EEF1A1: variants seen among roughly 807,000 people sequenced by gnomAD.
EEF1A1 encodes elongation factor 1-alpha 1.
A neutral mutation model predicts 38.5 loss-of-function variants in EEF1A1; 1 was observed. That is an observed-to-expected ratio of 0.03 (90% confidence interval 0.01 to 0.12). The LOEUF is 0.12. EEF1A1 is among the 10% of genes least tolerant of loss of function. The pLI, the probability that EEF1A1 is intolerant of heterozygous loss-of-function variation, is 1.00. For synonymous variants in EEF1A1, 229 were observed against 203.7 expected (o/e 1.12, Z -1.06); for missense variants, 184 against 588.3 (o/e 0.31, Z 7.11).
intron 1 of EEF1A1, 117 bp from the exon 2 acceptor site, chr6:73,520,173 C>G: frequency 1.1e-6 from 1 of 949,342 alleles, no homozygotes; most frequent in Non-Finnish European, 1.5e-6. Flanking sequence ...GCTGGCCTAA[C>G]TTCAGTCTCC....
rs1389482447 is a variant in EEF1A1 at position 73,518,801 on chromosome 6, G to A, written c.669C>T (p.Ala223=). 3.1e-6 allele frequency: 5 copies of A among 1,614,198 alleles called. No individual in the cohort carries two copies. Among genetic ancestry groups the A allele is most frequent in the Middle Eastern group, 1.6e-4 (1 of 6,062 alleles). The change falls in exon 5 of 8, where the codon GCC becomes GCT. Residue 223 remains alanine, a synonymous_variant. Coordinates refer to ENST00000309268, the MANE Select transcript of EEF1A1 (RefSeq NM_001402.6). ...GWKVTRKDGN[A]SGTTLLEALD... The stretch of plus-strand genomic sequence containing the variant: ...GAGCCTCAAGCAGCGTGGTTCCACT[G>A]GCATTGCCATCCTTACGGGTGACTT...
rs891842763 is a variant in EEF1A1 at position 73,517,489 on chromosome 6, C to T, written c.*321G>A. ...TTAGATGTCTTTCACCTAAATGTCT[C>T]GGTGTTGACCAAAGGAACACACAGG... is the stretch of plus-strand genomic sequence containing the variant. On this transcript the variant is annotated 3_prime_UTR_variant, in exon 8 of 8. Transcript: ENST00000309268. 3.0e-5 allele frequency: 8 copies of T among 267,942 alleles called. No individual in the cohort carries two copies. The highest frequency in any genetic ancestry group is 1.5e-4 in the East Asian group (2 of 13,188). 16.6% of individuals were successfully genotyped at this position (267,942 alleles called of 1,614,324 possible).
At chr6:73,519,781 C>T (rs936961812) in intron 2 of EEF1A1, 102 bp downstream of exon 2, 6 of 1,502,876 alleles carry the variant, frequency 4.0e-6, no homozygotes, top group Non-Finnish European at 5.4e-6. Context: ...TAACTATTAG[C>T]ATTCAGATCT....
At chr6:73,520,325 G>C in intron 1 of EEF1A1, 1 of 282,558 alleles carries the variant, frequency 3.5e-6, no homozygotes. Flanking sequence ...GACGGCTGAG[G>C]ACGGAAAGGC....
rs1765532225 is a variant in EEF1A1 at position 73,516,930 on chromosome 6, TTA to T, written c.*878_*879del. Reference sequence around the variant, plus strand: ...CTCTGCAGGAGAAAAGCAATGTAGATTAGTCTAATTTTATAGCTACTTCAAAT... The same window carrying T: ...CTCTGCAGGAGAAAAGCAATGTAGATGTCTAATTTTATAGCTACTTCAAAT... On this transcript the variant is annotated 3_prime_UTR_variant, in exon 8 of 8. Transcript: ENST00000309268. 6.6e-6 allele frequency: 1 copy of T among 152,216 alleles called. No homozygotes were observed. The highest frequency in any genetic ancestry group is 2.1e-4 in the South Asian group (1 of 4,826). The allele number at this position is 152,216 out of a possible 1,614,324, so 9.4% of individuals were successfully genotyped here.
At position 73,516,922 on chromosome 6, in the gene EEF1A1, A is replaced by C. The variant is rs1203687172; in HGVS notation, c.*888T>G. 1.3e-5 allele frequency: 2 copies of C among 152,214 alleles called. No homozygotes were observed. Among genetic ancestry groups the C allele is most frequent in the African/African-American group, 4.8e-5 (2 of 41,458 alleles). The allele number at this position is 152,214 out of a possible 1,614,324, so 9.4% of individuals were successfully genotyped here. On this transcript the variant is annotated 3_prime_UTR_variant, in exon 8 of 8. Transcript: ENST00000309268. ...GTATTAGACTCTGCAGGAGAAAAGC[A>C]ATGTAGATTAGTCTAATTTTATAGC...
At position 73,517,414 on chromosome 6, in the gene EEF1A1, T is replaced by A. The variant is rs905018486; in HGVS notation, c.*396A>T. The A allele has an allele frequency of 5.5e-6, 1 of 180,682 alleles. No individual in the cohort carries two copies. Among genetic ancestry groups the A allele is most frequent in the African/African-American group, 2.4e-5 (1 of 41,956 alleles). The allele number at this position is 180,682 out of a possible 1,614,324, so 11.2% of individuals were successfully genotyped here. A position where few individuals can be genotyped will look rare whatever the true frequency, so the allele number is the denominator to read the frequency against. ...AACCCTATTCTCCACCCAGAAGTGT[T>A]AACTCAAGAATTACATTTTCAAGAA... On this transcript the variant is annotated 3_prime_UTR_variant, in exon 8 of 8. Coordinates refer to ENST00000309268, the MANE Select transcript of EEF1A1 (RefSeq NM_001402.6).
intron 1 of EEF1A1, chr6:73,520,449 G>A (rs1375569306): frequency 1.9e-5 from 3 of 160,840 alleles, no homozygotes; most frequent in South Asian, 3.0e-4. Flanking sequence ...CACGCAACTG[G>A]TGCCGACCGG....
chr6:73,520,217 A>C (rs1288278048), intron 1 of EEF1A1, 161 bp from the exon 2 acceptor site: 2 of 621,490 alleles, frequency 3.2e-6, no homozygotes, highest in African/African-American at 1.9e-5. Flanking sequence ...CATCGCATAA[A>C]ACCCCTCCCC....
At chr6:73,517,998 CA>C (rs1765564513) in intron 7 of EEF1A1, 31 bp downstream of exon 7, 1 of 1,610,944 alleles carries the variant, frequency 6.2e-7, no homozygotes, top group Non-Finnish European at 8.5e-7. Context: ...ATCTTTAACA[CA>C]ACTTTTTTAC....
In EEF1A1 at chr6:73,518,620, T is replaced by C; in HGVS notation, c.773-10A>G. The C allele has an allele frequency of 6.2e-7, 1 of 1,613,210 alleles. No homozygotes were observed. The highest frequency in any genetic ancestry group is 8.5e-7 in the Non-Finnish European group (1 of 1,179,240). On this transcript the variant is annotated splice_polypyrimidine_tract_variant and intron_variant, in intron 5 of 7. Coordinates refer to ENST00000309268, the MANE Select transcript of EEF1A1 (RefSeq NM_001402.6). The stretch of plus-strand genomic sequence containing the variant: ...GGAACAGTACCAATACCTAAAAATA[T>C]TTACAGCATACTAAATACCTATGAA...
At position 73,515,824 on chromosome 6, in the gene EEF1A1, T is replaced by C. The variant is rs1765501349; in HGVS notation, c.*1986A>G. 1 of 152,236 alleles carries C rather than the reference T, an allele frequency of 6.6e-6. No homozygotes were observed. Among genetic ancestry groups the C allele is most frequent in the South Asian group, 2.1e-4 (1 of 4,832 alleles). The allele number at this position is 152,236 out of a possible 1,614,324, so 9.4% of individuals were successfully genotyped here. On this transcript the variant is annotated 3_prime_UTR_variant, in exon 8 of 8. Coordinates refer to ENST00000309268, the MANE Select transcript of EEF1A1 (RefSeq NM_001402.6). ...CAGCAGGTGGTGCTCAAGCCACAGT[T>C]GTCTAAGACACTGGGTTTCACAGGA...
At chr6:73,519,716 T>C (rs189227667) in intron 2 of EEF1A1, among the ~76,000 whole-genome samples, 167 bp downstream of exon 2, 6 of 152,312 alleles carry the variant, frequency 3.9e-5, no homozygotes, top group Middle Eastern at 6.8e-3. Flanking sequence ...ATCTACTCAC[T>C]AGCAATACGA....
chr6:73,520,545 G>A (rs888111614), intron 1 of EEF1A1: 1 of 152,590 alleles, frequency 6.6e-6, no homozygotes, highest in East Asian at 1.9e-4. Flanking sequence ...GACTACCCCC[G>A]TCCGATTCTC....
At position 73,516,281 on chromosome 6, in the gene EEF1A1, C is replaced by T. The variant is rs999281947; in HGVS notation, c.*1529G>A. On this transcript the variant is annotated 3_prime_UTR_variant, in exon 8 of 8. Coordinates refer to ENST00000309268, the MANE Select transcript of EEF1A1 (RefSeq NM_001402.6). ...TGCCAGTCACTTTAAGAGGCCTTAT[C>T]TCTTGGGCTGCTTTAACTCCTGCTT... 2.6e-5 allele frequency: 4 copies of T among 152,212 alleles called. No homozygotes were observed. Among genetic ancestry groups the T allele is most frequent in the Non-Finnish European group, 4.4e-5 (3 of 68,050 alleles). The allele number at this position is 152,212 out of a possible 1,614,324, so 9.4% of individuals were successfully genotyped here.
chr6:73,521,017 ACC>A lies in EEF1A1; in HGVS notation c.-50_-49del, dbSNP rs1765643307. ...GCACTTACCTGTGTTCTGGCGGCAA[ACC>A]CGTTGCGAAAAAGAACGTTCACGGC... On this transcript the variant is annotated 5_prime_UTR_variant, in exon 1 of 8. Transcript: ENST00000309268. The A allele has an allele frequency of 1.3e-5, 2 of 153,134 alleles. No individual in the cohort carries two copies. Among genetic ancestry groups the A allele is most frequent in the South Asian group, 2.1e-4 (1 of 4,854 alleles). 9.5% of individuals were successfully genotyped at this position (153,134 alleles called of 1,614,324 possible). A position where few individuals can be genotyped will look rare whatever the true frequency, so the allele number is the denominator to read the frequency against.
intron 1 of EEF1A1, 29 bp from the exon 2 acceptor site, chr6:73,520,085 ACTGT>A (rs776755957): frequency 5.3e-5 from 83 of 1,563,086 alleles, no homozygotes; most frequent in Non-Finnish European, 6.9e-5. Flanking sequence ...ACTTTGAACC[ACTGT>A]CTGAGGCTTG....
intron 2 of EEF1A1, 106 bp downstream of exon 2, chr6:73,519,777 T>G (rs1262065112): frequency 5.3e-6 from 8 of 1,495,424 alleles, no homozygotes; most frequent in Admixed American, 2.1e-5. Flanking sequence ...GTCTTAACTA[T>G]TAGCATTCAG....
In EEF1A1 at chr6:73,519,246, A is replaced by G. The variant is rs1561963134; in HGVS notation, c.325-18T>C. On this transcript the variant is annotated intron_variant, in intron 3 of 7. Coordinates refer to ENST00000309268, the MANE Select transcript of EEF1A1 (RefSeq NM_001402.6). ...CAGTCAGCCTTTAAAGAAAGCAAAGACATATCCCTGTCAACTCTCCAAATG... is the reference window on the plus strand; with the variant it reads ...CAGTCAGCCTTTAAAGAAAGCAAAGGCATATCCCTGTCAACTCTCCAAATG... The G allele has an allele frequency of 1.2e-6, 2 of 1,607,240 alleles. No individual in the cohort carries two copies. Among genetic ancestry groups the G allele is most frequent in the Non-Finnish European group, 1.7e-6 (2 of 1,176,794 alleles).
Sources: gnomAD v4.1 joint callset for allele counts (sites outside exome capture counted in the v4.1 genomes callset) on GRCh38, gnomAD v4.1.1 for gene constraint, MANE v1.5 for transcripts, NCBI Gene and HGNC (gene_info 2026-07-23, HGNC 2026-07-21) for gene names.